Variants in TSHZ3 observed in about 807,000 individuals in gnomAD.
TSHZ3 encodes the protein teashirt homolog 3.
TSHZ3 carries 10 observed loss-of-function variants against 64.5 expected under a neutral mutation model. The observed-to-expected ratio is 0.16, with a 90% CI of 0.10 to 0.26. The LOEUF is 0.26. Ranked by LOEUF, TSHZ3 falls within the 10% of genes least tolerant of loss-of-function variation. The probability of loss-of-function intolerance (pLI) is 1.00; values close to 1 mark genes in which losing one functional copy is unlikely to be tolerated. For missense variants in TSHZ3, 1,242 were observed against 1,421.7 expected (o/e 0.87, Z 2.03); for synonymous variants, 608 against 593.1 (o/e 1.03, Z -0.36).
chr19:31,243,664 C>T (rs996286174), intron 1 of TSHZ3, among the ~76,000 whole-genome samples: 2 of 152,124 alleles, frequency 1.3e-5, no homozygotes, highest in Non-Finnish European at 2.9e-5. Flanking sequence ...AGGATACCAT[C>T]CTCGGGGGCT....
chr19:31,334,948 A>T (rs538127276), intron 1 of TSHZ3, among the ~76,000 whole-genome samples: 5 of 152,240 alleles, frequency 3.3e-5, no homozygotes, highest in African/African-American at 1.2e-4. Flanking sequence ...TCTCTCTGTC[A>T]TGTGTTCAGT....
chr19:31,155,837 T>C (rs1974299980), intron 6 of TSHZ3, among the ~76,000 whole-genome samples: 1 of 152,340 alleles, frequency 6.6e-6, no homozygotes, highest in South Asian at 2.1e-4. Context: ...ACCGATCTAA[T>C]GGCCTCAGAG....
chr19:31,294,586 CA>C (rs1976631719), intron 1 of TSHZ3, among the ~76,000 whole-genome samples: 2 of 152,144 alleles, frequency 1.3e-5, no homozygotes, highest in Admixed American at 1.3e-4. Context: ...AGGTAATGGT[CA>C]AATGTTTCAA....
chr19:31,187,415 A>G (rs1427527839), intron 5 of TSHZ3, among the ~76,000 whole-genome samples: 1 of 151,820 alleles, frequency 6.6e-6, no homozygotes, highest in Non-Finnish European at 1.5e-5. Flanking sequence ...TTTTTTAATA[A>G]GCAGAAGCTT....
At chr19:31,194,028 C>G (rs978731118) in intron 5 of TSHZ3, among the ~76,000 whole-genome samples, 1 of 152,056 alleles carries the variant, frequency 6.6e-6, no homozygotes, top group African/African-American at 2.4e-5. Context: ...GACAAATCAC[C>G]GACCCCAAAA....
At chr19:31,158,659 A>T (rs1351269647) in intron 5 of TSHZ3, among the ~76,000 whole-genome samples, 7 of 152,228 alleles carry the variant, frequency 4.6e-5, no homozygotes, top group African/African-American at 1.7e-4. Flanking sequence ...CATTGTAATC[A>T]TATAATGAAA....
At chr19:31,324,058 A>G (rs1916861367) in intron 1 of TSHZ3, among the ~76,000 whole-genome samples, 1 of 152,162 alleles carries the variant, frequency 6.6e-6, no homozygotes, top group Non-Finnish European at 1.5e-5. Context: ...ACGTCTCCGC[A>G]GCACCCAATT....
chr19:31,323,691 C>T (rs927901945), intron 1 of TSHZ3, among the ~76,000 whole-genome samples: 1 of 152,004 alleles, frequency 6.6e-6, no homozygotes, highest in Non-Finnish European at 1.5e-5. Flanking sequence ...CACATCTAGA[C>T]CAGGAAGAAG....
chr19:31,197,913 T>C (rs1273365872), intron 5 of TSHZ3, among the ~76,000 whole-genome samples: 1 of 152,038 alleles, frequency 6.6e-6, no homozygotes, highest in East Asian at 1.9e-4. Context: ...GTTTCAAAAG[T>C]AGAAGCCCAG....
intron 1 of TSHZ3, among the ~76,000 whole-genome samples, chr19:31,309,729 G>A (rs1296981206): frequency 6.6e-6 from 1 of 152,188 alleles, no homozygotes; most frequent in East Asian, 1.9e-4. Context: ...TAAGACTGTT[G>A]CAGGAATATT....
chr19:31,341,818 C>G (rs901684102), intron 1 of TSHZ3, among the ~76,000 whole-genome samples: 4 of 152,214 alleles, frequency 2.6e-5, no homozygotes, highest in Non-Finnish European at 5.9e-5. Context: ...GTTTACCTCT[C>G]TGGTCTACTC....
intron 1 of TSHZ3, among the ~76,000 whole-genome samples, chr19:31,264,059 G>A (rs1030153677): frequency 2.0e-5 from 3 of 152,176 alleles, no homozygotes; most frequent in Non-Finnish European, 4.4e-5. Flanking sequence ...GTGCCAATAG[G>A]AGTGCAGTGG....
At chr19:31,177,287 A>G (rs981198816) in intron 5 of TSHZ3, among the ~76,000 whole-genome samples, 1 of 152,200 alleles carries the variant, frequency 6.6e-6, no homozygotes, top group Non-Finnish European at 1.5e-5. Context: ...GGGAGGAGTG[A>G]GATGTGCTAA....
intron 1 of TSHZ3, among the ~76,000 whole-genome samples, chr19:31,249,451 A>G (rs570882524): frequency 6.6e-5 from 10 of 152,280 alleles, no homozygotes; most frequent in Admixed American, 3.9e-4. Flanking sequence ...GGGTCAACTG[A>G]ACAGGGACCT....
chr19:31,196,079 ATG>A (rs540716706), intron 5 of TSHZ3, among the ~76,000 whole-genome samples: 2 of 151,382 alleles, frequency 1.3e-5, no homozygotes, highest in South Asian at 2.1e-4. Flanking sequence ...TTGTGTGTGT[ATG>A]TGTGTGTGTG....
At chr19:31,162,784 T>C (rs1193830986) in intron 5 of TSHZ3, among the ~76,000 whole-genome samples, 1 of 152,110 alleles carries the variant, frequency 6.6e-6, no homozygotes, top group Admixed American at 6.5e-5. Context: ...TAACCCAAAG[T>C]AGGGAGGTAA....
chr19:31,185,725 GT>G (rs1339160038), intron 5 of TSHZ3, among the ~76,000 whole-genome samples: 1 of 152,160 alleles, frequency 6.6e-6, no homozygotes, highest in African/African-American at 2.4e-5. Context: ...AGACAGATGA[GT>G]TTTGGCACAT....
chr19:31,336,582 G>GTTTAAA (rs1256298639), intron 1 of TSHZ3, among the ~76,000 whole-genome samples: 1 of 152,168 alleles, frequency 6.6e-6, no homozygotes, highest in African/African-American at 2.4e-5. Flanking sequence ...GTTATCTAAG[G>GTTTAAA]AACGAAGTTT....
chr19:31,280,663 T>G (rs1976344997), intron 1 of TSHZ3, among the ~76,000 whole-genome samples: 2 of 152,216 alleles, frequency 1.3e-5, no homozygotes, highest in African/African-American at 4.8e-5. Flanking sequence ...TTTGTCAATA[T>G]TTACTCAGTA....
Sources: allele counts gnomAD v4.1 joint callset (sites outside exome capture counted in the v4.1 genomes callset), GRCh38; gene constraint gnomAD v4.1.1; transcripts MANE v1.5; gene names NCBI Gene and HGNC (gene_info 2026-07-23, HGNC 2026-07-21).